HLA-F: variants seen among roughly 807,000 people sequenced by gnomAD.
HLA-F encodes major histocompatibility complex, class I, F.
Under a neutral mutation model 49.5 loss-of-function variants are expected in HLA-F, and 46 were observed. The ratio of observed to expected loss-of-function variants is 0.93; its 90% confidence interval spans 0.73 to 1.19. The LOEUF (loss-of-function observed/expected upper bound fraction) is 1.19, where lower values mean the gene tolerates loss of function less well. Among genes scored for constraint, HLA-F ranks in the 50% most tolerant of loss-of-function variants. The pLI is 0.00. For synonymous variants in HLA-F, 203 were observed against 233.5 expected, an observed-to-expected ratio of 0.87 and a Z score of 1.19; for missense variants, 496 against 579.6, an observed-to-expected ratio of 0.86 and a Z score of 1.48.
At position 29,725,769 on chromosome 6, in the gene HLA-F, T is replaced by C. The variant is rs992271162; in HGVS notation, c.1003+206T>C. Among the ~76,000 whole-genome samples the C allele has an allele frequency of 2.6e-5, 4 of 152,318 alleles. No homozygotes were observed. The East Asian group carries it at 5.8e-4, about 22-fold the overall frequency. ...AGATTCTTCACTTCGATGATTATGG[T>C]GGTGATGGGACCTGATCCCAGCAGT... On this transcript the variant is annotated intron_variant, in intron 5 of 6. Transcript: ENST00000259951.
intron 3 of HLA-F, chr6:29,735,301 ATAGT>A (rs932639875): frequency 6.8e-6 from 1 of 147,390 alleles, no homozygotes; most frequent in Non-Finnish European, 1.5e-5. Context: ...AGTACTATAT[ATAGT>A]TATATATATG....
intron 6 of HLA-F, chr6:29,726,366 A>T (rs1282212337): frequency 1.2e-6 from 2 of 1,608,840 alleles, no homozygotes; most frequent in African/African-American, 2.7e-5. Context: ...TCTCACTGTG[A>T]CTGATACGAA....
chr6:29,735,529 T>G (rs1320732246), intron 3 of HLA-F: 1 of 151,828 alleles, frequency 6.6e-6, no homozygotes, highest in Non-Finnish European at 1.5e-5. Flanking sequence ...TGGGCTGCAA[T>G]CTTATTGAGG....
chr6:29,727,350 C>T, downstream of HLA-F: 1 of 500,844 alleles, frequency 2.0e-6, no homozygotes, highest in Non-Finnish European at 3.4e-6. Context: ...CATTTTTGTA[C>T]CTATTTTTTA....
intron 3 of HLA-F, chr6:29,736,303 T>A (rs1288537491): frequency 5.0e-6 from 2 of 397,086 alleles, no homozygotes; most frequent in African/African-American, 4.2e-5. Context: ...AAAGCTGTTC[T>A]TGCGTTAGCT....
chr6:29,728,058 C>T, downstream of HLA-F: 1 of 518,986 alleles, frequency 1.9e-6, no homozygotes, highest in Non-Finnish European at 3.8e-6. Context: ...TGTTTTGTTG[C>T]CATGACTGGA....
chr6:29,726,605 G>T, intron 6 of HLA-F: 1 of 1,516,924 alleles, frequency 6.6e-7, no homozygotes, highest in Admixed American at 1.9e-5. Flanking sequence ...TGAATAGAGA[G>T]ATTAAGATTC....
At chr6:29,736,623 T>TGGC (rs1777124563) in intron 3 of HLA-F, 9 of 329,432 alleles carry the variant, frequency 2.7e-5, no homozygotes, top group Non-Finnish European at 5.3e-5. Context: ...GGAAACACCA[T>TGGC]TGGGTTCTAC....
At position 29,725,306 on chromosome 6, in the gene HLA-F, G is replaced by C; in HGVS notation, c.886G>C (p.Glu296Gln). ...GLPQPLILRW[E>Q]QSPQPTIPIV... ...GCCCCAGCCCCTCATCCTGAGATGGGGTAAGGAGGGAGATGGGTAAAGAGG... is the reference window on the plus strand; with the variant it reads ...GCCCCAGCCCCTCATCCTGAGATGGCGTAAGGAGGGAGATGGGTAAAGAGG... The change falls in exon 4 of 7, where the codon GAG becomes CAG. Residue 296 changes from glutamate (E) to glutamine (Q), a missense_variant and splice_region_variant. By Grantham distance (29) the Glu-to-Gln change is conservative (BLOSUM62 2). Coordinates refer to ENST00000259951, the MANE Select transcript of HLA-F (RefSeq NM_001098479.2). 6.2e-7 allele frequency: 1 copy of C among 1,614,116 alleles called. No individual in the cohort carries two copies. Among genetic ancestry groups the C allele is most frequent in the Non-Finnish European group, 8.5e-7 (1 of 1,180,002 alleles).
At position 29,725,115 on chromosome 6, in the gene HLA-F, C is replaced by T. The variant is rs769415065; in HGVS notation, c.695C>T (p.Ala232Val). 1.1e-5 allele frequency: 17 copies of T among 1,613,752 alleles called. No homozygotes were observed. Among genetic ancestry groups the T allele is most frequent in the Middle Eastern group, 3.3e-4 (2 of 5,978 alleles). Residue 232 changes from alanine to valine, a missense_variant, in exon 4 of 7, where the codon GCG becomes GTG. Coordinates refer to ENST00000259951, the MANE Select transcript of HLA-F (RefSeq NM_001098479.2). ...LRCWALGFYP[A>V]EITLTWQRDG... is the part of the protein sequence containing the mutation. ...TGCTGGGCCCTGGGCTTCTACCCTG[C>T]GGAGATCACGCTGACCTGGCAGCGG... is the stretch of plus-strand genomic sequence containing the variant.
chr6:29,730,628 C>T (rs1297077309), downstream of HLA-F, among the ~76,000 whole-genome samples: 3 of 152,276 alleles, frequency 2.0e-5, no homozygotes, highest in South Asian at 2.1e-4. Flanking sequence ...TGCCACCACC[C>T]GAGAGCCACC....
At chr6:29,731,227 G>GGATGGATA (rs1212859904), downstream of HLA-F, among the ~76,000 whole-genome samples, 664 of 131,340 alleles carry the variant, frequency 5.1e-3, 1 homozygote, top group African/African-American at 9.3e-3. Context: ...TAGAGTAGAT[G>GGATGGATA]GATACATAGA....
chr6:29,724,020 C>T (rs1256936239), intron 2 of HLA-F, 93 bp downstream of exon 2: 1 of 1,548,744 alleles, frequency 6.5e-7, no homozygotes, highest in Non-Finnish European at 8.7e-7. Flanking sequence ...CCGAAATCTA[C>T]CCCGAGGCAG....
At chr6:29,723,556 C>A (rs762243842) in intron 1 of HLA-F, 29 bp downstream of exon 1, 1 of 1,605,972 alleles carries the variant, frequency 6.2e-7, no homozygotes, top group Non-Finnish European at 8.5e-7. Context: ...GAGAAACGGC[C>A]TCTGTGGGGA....
At chr6:29,724,135 G>T (rs756733239) in intron 2 of HLA-F, 38 bp from the exon 3 acceptor site, 5 of 1,610,608 alleles carry the variant, frequency 3.1e-6, no homozygotes, top group Non-Finnish European at 2.5e-6. Context: ...GGAGGGGGCG[G>T]GGCTAGCTGG....
At chr6:29,736,602 T>G (rs1736914) in intron 3 of HLA-F, 275,223 of 330,694 alleles carry the variant, frequency 0.83, 115,349 homozygotes, top group East Asian at 0.99. Context: ...GAATAGCATT[T>G]CCAGCCTCCA....
chr6:29,726,667 G>A (rs1368589605), intron 6 of HLA-F: 1 of 1,474,648 alleles, frequency 6.8e-7, no homozygotes, highest in Non-Finnish European at 9.3e-7. Context: ...GCTTGACTCA[G>A]TTTAGGTGAT....
At chr6:29,737,659 C>T (rs372624403) in intron 3 of HLA-F, 3 of 152,052 alleles carry the variant, frequency 2.0e-5, no homozygotes, top group Admixed American at 6.5e-5. Flanking sequence ...TTATGGTACC[C>T]GTGGGGTTTT....
intron 3 of HLA-F, among the ~76,000 whole-genome samples, chr6:29,737,075 G>C (rs1409860288): frequency 6.6e-6 from 1 of 151,994 alleles, no homozygotes; most frequent in Non-Finnish European, 1.5e-5. Flanking sequence ...AGAAATGAAA[G>C]ACTGAGACTT....
Sources: gnomAD v4.1 joint callset for allele counts (sites outside exome capture counted in the v4.1 genomes callset) on GRCh38, gnomAD v4.1.1 for gene constraint, MANE v1.5 for transcripts, NCBI Gene and HGNC (gene_info 2026-07-23, HGNC 2026-07-21) for gene names.